KANSL3: variants seen among roughly 807,000 people sequenced by gnomAD.
KANSL3 encodes KAT8 regulatory NSL complex subunit 3.
KANSL3 carries 16 observed loss-of-function variants against 89.2 expected under a neutral mutation model. The ratio of observed to expected loss-of-function variants is 0.18; its 90% CI spans 0.12 to 0.27. The LOEUF (loss-of-function observed/expected upper bound fraction) is 0.27. Among genes scored for constraint, KANSL3 ranks in the 10% least tolerant of loss-of-function variants. The pLI is 1.00. For synonymous variants in KANSL3, 385 were observed against 419.7 expected, an observed-to-expected ratio of 0.92 and a Z score of 1.01; for missense variants, 879 against 1,110.6, an observed-to-expected ratio of 0.79 and a Z score of 2.96.
At chr2:96,587,969 C>A in the KANSL3 span, among the ~76,000 whole-genome samples, 3 of 151,878 alleles carry the variant, frequency 2.0e-5, no homozygotes, top group African/African-American at 7.3e-5. Context: ...GAAAAGAGAA[C>A]AAACCAACAG....
intron 2 of KANSL3, among the ~76,000 whole-genome samples, chr2:96,631,965 G>A (rs2073465799): frequency 1.3e-5 from 2 of 152,042 alleles, no homozygotes; most frequent in South Asian, 2.1e-4. Context: ...AGGACTGCTG[G>A]AACCCGGGAA....
rs1355922718 is a variant in KANSL3 at position 96,608,939 on chromosome 2, G to T, written c.1509C>A (p.Ala503=). The change falls in exon 13 of 21, where the codon GCC becomes GCA. Residue 503 remains alanine (A), a synonymous_variant. Coordinates refer to ENST00000431828, the MANE Select transcript of KANSL3 (RefSeq NM_001115016.3). The part of the protein sequence containing the change: ...KPRDVARRDL[A]FEVPERGSRP... ...GACTGCCCCGCTCAGGGACTTCAAA[G>T]GCCAAGTCTCTGCGGGCCACATCGC... The T allele has an allele frequency of 1.3e-6, 2 of 1,568,850 alleles. No individual in the cohort carries two copies. The highest frequency in any genetic ancestry group is 1.2e-5 in the South Asian group (1 of 85,340).
intron 3 of KANSL3, among the ~76,000 whole-genome samples, chr2:96,620,281 T>G (rs2071004906): frequency 6.6e-6 from 1 of 152,216 alleles, no homozygotes; most frequent in South Asian, 2.1e-4. Flanking sequence ...ATAAAGAGGC[T>G]ATTCTTCCAC....
intron 2 of KANSL3, among the ~76,000 whole-genome samples, chr2:96,635,339 T>TA (rs2074094786): frequency 6.6e-6 from 1 of 152,204 alleles, no homozygotes; most frequent in Admixed American, 6.5e-5. Flanking sequence ...AAAGAGTTCT[T>TA]ACAGCATGCC....
intron 14 of KANSL3, chr2:96,606,842 CAAAG>C (rs985540476): frequency 1.2e-5 from 5 of 411,940 alleles, no homozygotes; most frequent in Non-Finnish European, 2.2e-5. Context: ...CAAAAGAATA[CAAAG>C]AAAGAGAGAG....
chr2:96,583,940 A>G, the KANSL3 span, among the ~76,000 whole-genome samples: 1 of 152,184 alleles, frequency 6.6e-6, no homozygotes, highest in Admixed American at 6.6e-5. Context: ...TATTGGTTTA[A>G]TATTGCATTT....
At chr2:96,607,168 T>G in intron 14 of KANSL3, 1 of 466,350 alleles carries the variant, frequency 2.1e-6, no homozygotes, top group Non-Finnish European at 3.9e-6. Flanking sequence ...AATTACTGCA[T>G]GGCAACCTGA....
chr2:96,591,196 T>C (rs549676038), downstream of KANSL3, among the ~76,000 whole-genome samples: 20 of 152,190 alleles, frequency 1.3e-4, no homozygotes, highest in Non-Finnish European at 2.6e-4. Flanking sequence ...ACGTAACAAC[T>C]TGGATGTGTA....
intron 3 of KANSL3, among the ~76,000 whole-genome samples, chr2:96,620,335 A>AT (rs1355075755): frequency 2.0e-5 from 3 of 152,060 alleles, no homozygotes; most frequent in Non-Finnish European, 4.4e-5. Context: ...TTCCATATAT[A>AT]TTTTTTGTAT....
intron 20 of KANSL3, among the ~76,000 whole-genome samples, chr2:96,597,541 C>T (rs985404413): frequency 6.6e-6 from 1 of 152,202 alleles, no homozygotes. Flanking sequence ...CATCCCCTTG[C>T]TTGTTGGAAA....
At chr2:96,606,637 C>T in intron 14 of KANSL3, 1 of 230,776 alleles carries the variant, frequency 4.3e-6, no homozygotes, top group Non-Finnish European at 8.6e-6. Context: ...AAACACAGGA[C>T]AGGAGGCAGG....
rs1240184678 is a variant in KANSL3 at position 96,619,485 on chromosome 2, C to T, written c.537G>A (p.Arg179=). 2 of 1,614,062 alleles carry T rather than the reference C, an allele frequency of 1.2e-6. No homozygotes were observed. Among genetic ancestry groups the T allele is most frequent in the Non-Finnish European group, 8.5e-7 (1 of 1,179,894 alleles). The change falls in exon 5 of 21, where the codon CGG becomes CGA. Residue 179 remains arginine, a synonymous_variant. Transcript: ENST00000431828. ...CCCAGCTCACACTTGCCAGAGCCTG[C>T]CGCACTCTCCTTGCACACTTGTCCA... The part of the protein sequence containing the change: ...VAVDKCARRV[R]QALASVSWDT...
At chr2:96,611,005 C>G (rs529842860) in intron 10 of KANSL3, 59 bp downstream of exon 10, 132 of 1,582,314 alleles carry the variant, frequency 8.3e-5, no homozygotes, top group South Asian at 4.2e-4. Context: ...TTGGACAAGG[C>G]ATGCACACTC....
At chr2:96,603,525 C>T (rs1326882003) in intron 17 of KANSL3, 1 of 152,434 alleles carries the variant, frequency 6.6e-6, no homozygotes, top group Non-Finnish European at 1.5e-5. Flanking sequence ...CTCAGGTGAT[C>T]CACCCACCTC....
the KANSL3 span, among the ~76,000 whole-genome samples, chr2:96,581,509 A>C: frequency 6.6e-6 from 1 of 151,974 alleles, no homozygotes; most frequent in Non-Finnish European, 1.5e-5. Context: ...TTCATATACT[A>C]TTATAAGCTT....
chr2:96,594,910 C>T lies in KANSL3; in HGVS notation c.*701G>A, dbSNP rs1009486148. On this transcript the variant is annotated 3_prime_UTR_variant, in exon 21 of 21. Coordinates refer to ENST00000431828, the MANE Select transcript of KANSL3 (RefSeq NM_001115016.3). ...AAAGGGCCCAGGTTTCACCTGGCAA[C>T]CACTGCTCCCAACATCTAGAGTAAG... The T allele has an allele frequency of 6.6e-5, 10 of 152,256 alleles. No individual in the cohort carries two copies. Among genetic ancestry groups the T allele is most frequent in the Non-Finnish European group, 1.0e-4 (7 of 68,062 alleles). The allele number at this position is 152,256 out of a possible 1,614,324, so 9.4% of individuals were successfully genotyped here.
chr2:96,582,742 T>G, the KANSL3 span, among the ~76,000 whole-genome samples: 1 of 152,184 alleles, frequency 6.6e-6, no homozygotes, highest in Non-Finnish European at 1.5e-5. Flanking sequence ...TCTGGACATA[T>G]CATATGTTCC....
intron 14 of KANSL3, chr2:96,606,112 AG>A (rs2067942090): frequency 6.6e-6 from 1 of 152,518 alleles, no homozygotes; most frequent in Non-Finnish European, 1.5e-5. Context: ...GAGTGTCACC[AG>A]GACTAAAAGC....
intron 5 of KANSL3, among the ~76,000 whole-genome samples, chr2:96,618,154 T>C (rs1314446308): frequency 6.6e-6 from 1 of 150,590 alleles, no homozygotes; most frequent in African/African-American, 2.4e-5. Context: ...GAAGATCCTG[T>C]CTCCAAAGAA....
Sources: gnomAD v4.1 joint callset for allele counts (sites outside exome capture counted in the v4.1 genomes callset) on GRCh38, gnomAD v4.1.1 for gene constraint, MANE v1.5 for transcripts, NCBI Gene and HGNC (gene_info 2026-07-23, HGNC 2026-07-21) for gene names.